The following HTR1F variants were observed in gnomAD, a reference collection of about 807,000 sequenced individuals.
The protein encoded by HTR1F is 5-hydroxytryptamine (serotonin) receptor 1F, G protein-coupled.
A neutral mutation model predicts 24.0 loss-of-function variants in HTR1F; 17 were observed. That is an observed-to-expected ratio of 0.71 (90% CI 0.48 to 1.06). The LOEUF (loss-of-function observed/expected upper bound fraction) is 1.06, where lower values mean the gene tolerates loss of function less well. Ranked by LOEUF, HTR1F falls within the 50% of genes least tolerant of loss-of-function variation. HTR1F has a pLI of 0.00. For synonymous variants in HTR1F, 186 were observed against 156.8 expected, an observed-to-expected ratio of 1.19 and a Z score of -1.39; for missense variants, 391 against 427.8, an observed-to-expected ratio of 0.91 and a Z score of 0.76.
At position 87,991,966 on chromosome 3, in the gene HTR1F, T is replaced by C. The variant is rs146616147; in HGVS notation, c.*116T>C. ...AGGGAAATACATGAAAACTGCTAAA[T>C]TGATAAGGCTATAATTTATATTTTA... On this transcript the variant is annotated 3_prime_UTR_variant, in exon 3 of 3. Coordinates refer to ENST00000319595, the MANE Select transcript of HTR1F (RefSeq NM_001322209.2). The C allele has an allele frequency of 1.8e-5, 14 of 786,832 alleles. No individual in the cohort carries two copies. The South Asian group carries it at 2.4e-4, about 14-fold the overall frequency. 48.7% of individuals were successfully genotyped at this position (786,832 alleles called of 1,614,324 possible).
intron 2 of HTR1F, among the ~76,000 whole-genome samples, chr3:87,966,434 G>C (rs1705164199): frequency 6.6e-6 from 1 of 152,148 alleles, no homozygotes; most frequent in Non-Finnish European, 1.5e-5. Flanking sequence ...TCTATCCAAA[G>C]AAGAAAATTG....
intron 2 of HTR1F, among the ~76,000 whole-genome samples, chr3:87,945,108 C>T (rs554257101): frequency 8.3e-6 from 1 of 119,822 alleles, no homozygotes; most frequent in Non-Finnish European, 2.1e-5. Context: ...TCTCTGTCTC[C>T]TCCATCTCTC....
intron 2 of HTR1F, among the ~76,000 whole-genome samples, chr3:87,870,278 C>T (rs1372291312): frequency 6.6e-6 from 1 of 152,052 alleles, no homozygotes; most frequent in African/African-American, 2.4e-5. Context: ...GGAATATTCT[C>T]AGGATGGTCC....
At chr3:87,903,987 A>C (rs1310455172) in intron 2 of HTR1F, among the ~76,000 whole-genome samples, 1 of 152,180 alleles carries the variant, frequency 6.6e-6, no homozygotes, top group Non-Finnish European at 1.5e-5. Context: ...TAGCTGATGA[A>C]ACGCTTGTAT....
intron 2 of HTR1F, among the ~76,000 whole-genome samples, chr3:87,824,011 C>T (rs1238114454): frequency 1.3e-5 from 2 of 150,430 alleles, no homozygotes; most frequent in Admixed American, 6.6e-5. Flanking sequence ...GAGCCAAGAT[C>T]GCACCAGCCT....
chr3:87,859,302 G>A (rs1705267758), intron 2 of HTR1F, among the ~76,000 whole-genome samples: 1 of 152,212 alleles, frequency 6.6e-6, no homozygotes, highest in Non-Finnish European at 1.5e-5. Context: ...CAGTCACTCA[G>A]TCTAAAAAAA....
intron 2 of HTR1F, among the ~76,000 whole-genome samples, chr3:87,871,030 C>G (rs1705543928): frequency 6.7e-6 from 1 of 149,628 alleles, no homozygotes; most frequent in African/African-American, 2.5e-5. Flanking sequence ...GGAAGTATGG[C>G]TCAATCATGG....
intron 2 of HTR1F, among the ~76,000 whole-genome samples, chr3:87,871,971 C>G (rs571836181): frequency 6.6e-6 from 1 of 152,132 alleles, no homozygotes; most frequent in African/African-American, 2.4e-5. Flanking sequence ...TCCAAGAGTT[C>G]ACAGAACATT....
chr3:87,913,028 G>C (rs961921693), intron 2 of HTR1F, among the ~76,000 whole-genome samples: 1 of 152,052 alleles, frequency 6.6e-6, no homozygotes, highest in Non-Finnish European at 1.5e-5. Context: ...CAGAGCAATA[G>C]GCAAATATTT....
At chr3:87,940,229 CTGTT>C (rs1359928304) in intron 2 of HTR1F, among the ~76,000 whole-genome samples, 1 of 152,196 alleles carries the variant, frequency 6.6e-6, no homozygotes, top group Non-Finnish European at 1.5e-5. Context: ...ATCTGCGAGA[CTGTT>C]TGTTATGATT....
Position 87,923,609 on chromosome 3 carries a change from T to G in HTR1F, c.-42-67099T>G, listed in dbSNP as rs138748168. On this transcript the variant is annotated intron_variant, in intron 2 of 2. Transcript: ENST00000319595. The stretch of plus-strand genomic sequence containing the variant: ...ACCCTGCAATGTTACTGATTTTTTC[T>G]CAGTTATAAGAGTTTATTGATGGAA... 5.3e-3 allele frequency among the ~76,000 whole-genome samples: 809 copies of G among 152,184 alleles called. 5 individuals are homozygous for G. Among genetic ancestry groups the G allele is most frequent in the African/African-American group, 0.019 (778 of 41,578 alleles).
chr3:87,903,329 T>C (rs1219859397), intron 2 of HTR1F, among the ~76,000 whole-genome samples: 1 of 149,938 alleles, frequency 6.7e-6, no homozygotes, highest in Non-Finnish European at 1.5e-5. Flanking sequence ...ACCATCAGAG[T>C]GAACAGGCAA....
intron 2 of HTR1F, among the ~76,000 whole-genome samples, chr3:87,939,111 T>C (rs1473552348): frequency 6.6e-6 from 1 of 152,156 alleles, no homozygotes; most frequent in Admixed American, 6.5e-5. Context: ...AGTGGGCATT[T>C]CTGCATCTAT....
At chr3:87,857,456 T>C (rs72911684) in intron 2 of HTR1F, among the ~76,000 whole-genome samples, 15,682 of 152,114 alleles carry the variant, frequency 0.1, 915 homozygotes, top group East Asian at 0.16. Context: ...AAAGAAAGAA[T>C]AGTTCTAGTA....
rs79333755 is a variant in HTR1F, at chr3:87,912,691, A to T, written c.-42-78017A>T. Among the ~76,000 whole-genome samples the T allele has an allele frequency of 3.7e-4, 56 of 151,604 alleles. No homozygotes were observed. The Middle Eastern group carries it at 0.01, about 28-fold the overall frequency. On this transcript the variant is annotated intron_variant, in intron 2 of 2. Coordinates refer to ENST00000319595, the MANE Select transcript of HTR1F (RefSeq NM_001322209.2). ...ATCATGCCACTAAACTTCAAGCTAC[A>T]CTACAGGGCTACAGTAACAAAACAG... is the stretch of plus-strand genomic sequence containing the variant.
At chr3:87,852,622 A>C (rs1217286763) in intron 2 of HTR1F, among the ~76,000 whole-genome samples, 1 of 151,666 alleles carries the variant, frequency 6.6e-6, no homozygotes, top group East Asian at 1.9e-4. Context: ...TTTAGGGTAC[A>C]TGTGCACAAC....
intron 2 of HTR1F, among the ~76,000 whole-genome samples, chr3:87,863,444 A>G (rs182114529): frequency 2.1e-4 from 32 of 152,330 alleles, no homozygotes; most frequent in Admixed American, 1.8e-3. Context: ...ATTTGCTTGG[A>G]TGAGATAGCC....
At chr3:87,877,804 T>C (rs1490343831) in intron 2 of HTR1F, among the ~76,000 whole-genome samples, 3 of 152,174 alleles carry the variant, frequency 2.0e-5, no homozygotes, top group Non-Finnish European at 4.4e-5. Context: ...AAGAAATCAA[T>C]ACAAATGTGA....
intron 2 of HTR1F, among the ~76,000 whole-genome samples, chr3:87,933,338 T>A (rs1704330336): frequency 6.6e-6 from 1 of 151,398 alleles, no homozygotes; most frequent in African/African-American, 2.4e-5. Context: ...AACATAGTGT[T>A]GGAAGTTCTG....
Sources: gnomAD v4.1 joint callset for allele counts (sites outside exome capture counted in the v4.1 genomes callset) on GRCh38, gnomAD v4.1.1 for gene constraint, MANE v1.5 for transcripts, NCBI Gene and HGNC (gene_info 2026-07-23, HGNC 2026-07-21) for gene names.